Variants in CBX2 observed in about 807,000 individuals in gnomAD.
The protein encoded by CBX2 is chromobox protein homolog 2.
Under a neutral mutation model 21.0 loss-of-function variants are expected in CBX2, and 11 were observed. That is an observed-to-expected ratio of 0.52 (90% confidence interval 0.33 to 0.87). The LOEUF is 0.87. Ranked by LOEUF, CBX2 falls within the 40% of genes least tolerant of loss-of-function variation. The pLI is 0.02. For missense variants in CBX2, 746 were observed against 724.3 expected (o/e 1.03, Z -0.34); for synonymous variants, 364 against 304.6 (o/e 1.19, Z -2.03).
Position 79,785,121 on chromosome 17 carries a change from A to C in CBX2, c.*79A>C. 1 of 1,248,718 alleles carries C rather than the reference A, an allele frequency of 8.0e-7. No individual in the cohort carries two copies. Among genetic ancestry groups the C allele is most frequent in the South Asian group, 1.2e-5 (1 of 82,288 alleles). The allele number at this position is 1,248,718 out of a possible 1,614,324, so 77.4% of individuals were successfully genotyped here. On this transcript the variant is annotated 3_prime_UTR_variant, in exon 5 of 5. Coordinates refer to ENST00000310942, the MANE Select transcript of CBX2 (RefSeq NM_005189.3). ...CGCTTGGCTAAGTGACTCCCAGCCCAAGCCCCCTCAAGAGTCTGGGTCGGG... is the reference window on the plus strand; with the variant it reads ...CGCTTGGCTAAGTGACTCCCAGCCCCAGCCCCCTCAAGAGTCTGGGTCGGG...
rs1907586322 is a variant in CBX2 at position 79,785,682 on chromosome 17, T to G, written c.*640T>G. On this transcript the variant is annotated 3_prime_UTR_variant, in exon 5 of 5. Transcript: ENST00000310942. ...CTGGGGCCTTAATGTGAAAAGACAG[T>G]GGCAGGCAGCTGGAGTAGAGCGAGC... 1 of 155,514 alleles carries G rather than the reference T, an allele frequency of 6.4e-6. No homozygotes were observed. The highest frequency in any genetic ancestry group is 2.4e-5 in the African/African-American group (1 of 41,440). 9.6% of individuals were successfully genotyped at this position (155,514 alleles called of 1,614,324 possible). A position where few individuals can be genotyped will look rare whatever the true frequency, so the allele number is the denominator to read the frequency against.
chr17:79,780,419 C>A (rs530052700), intron 3 of CBX2, among the ~76,000 whole-genome samples: 3 of 152,294 alleles, frequency 2.0e-5, no homozygotes, highest in African/African-American at 7.2e-5. Context: ...TTGCTTAAAT[C>A]CCTTTGGAAA....
At chr17:79,782,510 C>G (rs1183990577) in intron 4 of CBX2, 10 of 1,175,876 alleles carry the variant, frequency 8.5e-6, no homozygotes, top group Non-Finnish European at 9.6e-6. Flanking sequence ...GGCTTTGATT[C>G]CCTCCTCCGG....
chr17:79,779,458 T>TG, intron 3 of CBX2, 31 bp downstream of exon 3: 1 of 1,589,816 alleles, frequency 6.3e-7, no homozygotes, highest in African/African-American at 1.3e-5. Flanking sequence ...GGGGAGGGTG[T>TG]GGGGGAGGGA....
At chr17:79,781,154 C>G (rs939430236) in intron 3 of CBX2, among the ~76,000 whole-genome samples, 1 of 152,102 alleles carries the variant, frequency 6.6e-6, no homozygotes, top group Non-Finnish European at 1.5e-5. Context: ...AGTTTAGGAA[C>G]AGAGAGGTAT....
chr17:79,785,122 A>C lies in CBX2; in HGVS notation c.*80A>C. On this transcript the variant is annotated 3_prime_UTR_variant, in exon 5 of 5. Transcript: ENST00000310942. ...GCTTGGCTAAGTGACTCCCAGCCCA[A>C]GCCCCCTCAAGAGTCTGGGTCGGGG... 8.0e-7 allele frequency: 1 copy of C among 1,247,518 alleles called. No individual in the cohort carries two copies. Among genetic ancestry groups the C allele is most frequent in the Non-Finnish European group, 1.2e-6 (1 of 865,484 alleles). 77.3% of individuals were successfully genotyped at this position (1,247,518 alleles called of 1,614,324 possible).
intron 2 of CBX2, 107 bp from the exon 3 acceptor site, chr17:79,779,255 C>T: frequency 9.6e-7 from 1 of 1,040,340 alleles, no homozygotes; most frequent in South Asian, 1.3e-5. Context: ...GGTGCCACTG[C>T]CATCGGCCCA....
At chr17:79,777,877 G>C (rs1489806016), upstream of CBX2, among the ~76,000 whole-genome samples, 28 of 149,538 alleles carry the variant, frequency 1.9e-4, no homozygotes, top group African/African-American at 6.9e-4. Context: ...CAGGCCCGAA[G>C]TCCCTAGGCA....
At position 79,786,931 on chromosome 17, in the gene CBX2, A is replaced by G. The variant is rs1256611812; in HGVS notation, c.*1889A>G. On this transcript the variant is annotated 3_prime_UTR_variant, in exon 5 of 5. Transcript: ENST00000310942. ...TCCATGGCTTCGTTGAGGGCCATCCATATGCCAGCTGGGGGCCAGCCCACA... is the reference window on the plus strand; with the variant it reads ...TCCATGGCTTCGTTGAGGGCCATCCGTATGCCAGCTGGGGGCCAGCCCACA... The G allele has an allele frequency of 6.5e-6, 1 of 152,714 alleles. No individual in the cohort carries two copies. The highest frequency in any genetic ancestry group is 1.5e-5 in the Non-Finnish European group (1 of 68,070). 9.5% of individuals were successfully genotyped at this position (152,714 alleles called of 1,614,324 possible). A position where few individuals can be genotyped will look rare whatever the true frequency, so the allele number is the denominator to read the frequency against.
rs1555831344 is a variant in CBX2 at position 79,784,747 on chromosome 17, C to T, written c.1304C>T (p.Ala435Val). ...AAGAGGGACTGTGTCAAGGGCAGTG[C>T]TACCCCCAGTGGGCAGGAGAGCCGC... ...ASKRDCVKGS[A>V]TPSGQESRTA... The change falls in exon 5 of 5, where the codon GCT becomes GTT. Residue 435 changes from alanine (A) to valine (V), a missense_variant. By Grantham distance (64) the Ala-to-Val change is moderately conservative (BLOSUM62 0). Transcript: ENST00000310942. This position sits in a 1 kb window ranked among gnomAD's most constrained non-coding sequence, Gnocchi z 5.9. 6.2e-7 allele frequency: 1 copy of T among 1,611,060 alleles called. No individual in the cohort carries two copies. Among genetic ancestry groups the T allele is most frequent in the African/African-American group, 1.3e-5 (1 of 75,032 alleles).
chr17:79,784,730 C>T lies in CBX2; in HGVS notation c.1287C>T (p.Asp429=), dbSNP rs1174221076. 1.9e-6 allele frequency: 3 copies of T among 1,611,570 alleles called. No homozygotes were observed. Among genetic ancestry groups the T allele is most frequent in the Non-Finnish European group, 2.5e-6 (3 of 1,179,400 alleles). The change falls in exon 5 of 5, where the codon GAC becomes GAT. Residue 429 remains aspartate (D), a synonymous_variant. Transcript: ENST00000310942. The surrounding 1 kb of genome is among the most constrained non-coding windows in gnomAD (Gnocchi z 5.9). ...CACCCACCCCTGCCAGCAAGAGGGACTGTGTCAAGGGCAGTGCTACCCCCA... is the reference window on the plus strand; with the variant it reads ...CACCCACCCCTGCCAGCAAGAGGGATTGTGTCAAGGGCAGTGCTACCCCCA... ...VAPPTPASKR[D]CVKGSATPSG...
chr17:79,780,824 A>G (rs1039531563), intron 3 of CBX2, among the ~76,000 whole-genome samples: 7 of 152,202 alleles, frequency 4.6e-5, no homozygotes, highest in Admixed American at 1.3e-4. Flanking sequence ...GAGGAGATCC[A>G]TGCAACACTT....
chr17:79,782,274 G>T (rs1225711911), intron 4 of CBX2: 7 of 1,546,580 alleles, frequency 4.5e-6, no homozygotes, highest in Non-Finnish European at 6.1e-6. Flanking sequence ...TGAATAGCCA[G>T]GGGGTGCCAG....
chr17:79,783,784 C>T lies in CBX2; in HGVS notation c.341C>T (p.Thr114Met), dbSNP rs1182371677. 3.1e-5 allele frequency: 48 copies of T among 1,570,052 alleles called. No homozygotes were observed. Among genetic ancestry groups the T allele is most frequent in the Non-Finnish European group, 3.8e-5 (44 of 1,157,680 alleles). The part of the protein sequence containing the change: ...SKSSSSSSSS[T>M]SSSSSSDEED... ...TCCAGCAGTTCCTCCTCTTCCTCCA[C>T]GTCATCCTCCTCTTCCTCAGATGAA... Residue 114 changes from threonine (T) to methionine (M), a missense_variant, in exon 5 of 5, where the codon ACG becomes ATG. Transcript: ENST00000310942.
intron 4 of CBX2, 44 bp from the exon 5 acceptor site, chr17:79,783,688 G>A (rs782002439): frequency 6.6e-7 from 1 of 1,515,890 alleles, no homozygotes; most frequent in South Asian, 1.2e-5. Context: ...GGGATTACAG[G>A]CGTGAGCCAC....
intron 3 of CBX2, among the ~76,000 whole-genome samples, chr17:79,781,327 AAAGT>A (rs1907181653): frequency 6.6e-6 from 1 of 152,034 alleles, no homozygotes; most frequent in African/African-American, 2.4e-5. Context: ...TCTCCTATTG[AAAGT>A]AAGGAGGTTG....
At chr17:79,782,308 G>T in intron 4 of CBX2, 8 of 1,509,670 alleles carry the variant, frequency 5.3e-6, no homozygotes, top group Non-Finnish European at 6.2e-6. Flanking sequence ...GGAGGGCAGA[G>T]GCAGTGTGGG....
intron 3 of CBX2, 96 bp from the exon 4 acceptor site, chr17:79,781,600 G>A (rs1292568857): frequency 2.9e-6 from 3 of 1,052,252 alleles, no homozygotes; most frequent in East Asian, 4.7e-5. Flanking sequence ...GCTATTACAG[G>A]CCAACAGGAA....
chr17:79,784,702 C>T lies in CBX2; in HGVS notation c.1259C>T (p.Ala420Val), dbSNP rs141814853. Reference protein sequence around the residue: ...KSEKLASRAVAPPTPASKRDC... With the variant: ...KSEKLASRAVVPPTPASKRDC... The stretch of plus-strand genomic sequence containing the variant: ...GAGAAGCTGGCTTCCAGAGCAGTGG[C>T]GCCACCCACCCCTGCCAGCAAGAGG... The change falls in exon 5 of 5, where the codon GCG becomes GTG. Residue 420 changes from alanine (A) to valine (V), a missense_variant. Ala to Val is a moderately conservative substitution (Grantham distance 64, BLOSUM62 0). This residue lies in a region of CBX2 where 701 missense variants were observed against 650.7 expected (regional missense o/e 1.08). Coordinates refer to ENST00000310942, the MANE Select transcript of CBX2 (RefSeq NM_005189.3). The surrounding 1 kb of genome is among the most constrained non-coding windows in gnomAD (Gnocchi z 5.9). 6.8e-6 allele frequency: 11 copies of T among 1,611,332 alleles called. 1 individual carries two copies. The highest frequency in any genetic ancestry group is 6.6e-5 in the South Asian group (6 of 90,928).
Sources: gnomAD v4.1 joint callset for allele counts (sites outside exome capture counted in the v4.1 genomes callset) on GRCh38, gnomAD v4.1.1 for gene constraint, gnomAD v4.1.1 regional missense constraint, Gnocchi (gnomAD v3.1) non-coding constraint, MANE v1.5 for transcripts, NCBI Gene and HGNC (gene_info 2026-07-23, HGNC 2026-07-21) for gene names.